TOP1: variants seen among roughly 807,000 people sequenced by gnomAD.
The protein encoded by TOP1 is DNA topoisomerase I.
TOP1 carries 10 observed loss-of-function variants against 111.1 expected under a neutral mutation model. That is an observed-to-expected ratio of 0.09 (90% CI 0.06 to 0.15). The LOEUF (loss-of-function observed/expected upper bound fraction) is 0.15. Ranked by LOEUF, TOP1 falls within the 10% of genes least tolerant of loss-of-function variation. The pLI is 1.00. For synonymous variants in TOP1, 271 were observed against 302.9 expected (o/e 0.89, Z 1.10); for missense variants, 474 against 926.7 (o/e 0.51, Z 6.34).
Position 41,115,358 on chromosome 20 carries a change from T to C in TOP1, c.1639-13T>C, listed in dbSNP as rs780052058. ...TTCAAGAGTAATAATTAGGATTCAC[T>C]TATATCTTTTAGGTTTTTAAGAACC... On this transcript the variant is annotated splice_polypyrimidine_tract_variant and intron_variant, in intron 15 of 20. Transcript: ENST00000361337. This position sits in a 1 kb window ranked among gnomAD's most constrained non-coding sequence, Gnocchi z 6.3. The C allele has an allele frequency of 1.3e-6, 2 of 1,592,140 alleles. No individual in the cohort carries two copies. Among genetic ancestry groups the C allele is most frequent in the Non-Finnish European group, 1.7e-6 (2 of 1,161,158 alleles).
intron 2 of TOP1, among the ~76,000 whole-genome samples, chr20:41,050,134 A>G (rs547389022): frequency 9.5e-4 from 144 of 152,330 alleles, no homozygotes; most frequent in Non-Finnish European, 1.6e-3. Flanking sequence ...CTCCTGCCTC[A>G]GCCTCCCAAG....
At chr20:41,108,829 G>T (rs1415702676) in intron 13 of TOP1, among the ~76,000 whole-genome samples, 1 of 152,156 alleles carries the variant, frequency 6.6e-6, no homozygotes, top group East Asian at 1.9e-4. Context: ...TTACAAAAAG[G>T]CTGCTTATGG....
intron 3 of TOP1, among the ~76,000 whole-genome samples, chr20:41,066,251 C>CT (rs923199980): frequency 2.7e-5 from 4 of 149,652 alleles, no homozygotes; most frequent in Admixed American, 2.7e-4. Flanking sequence ...AAAATCTTCT[C>CT]TTAAAAAAAA....
At chr20:41,043,050 A>T (rs2033287831) in intron 2 of TOP1, among the ~76,000 whole-genome samples, 1 of 152,226 alleles carries the variant, frequency 6.6e-6, no homozygotes, top group Non-Finnish European at 1.5e-5. Flanking sequence ...CATTTCAAAC[A>T]CATATTGTTC....
rs2034039093 is a variant in TOP1, at chr20:41,100,154, T to C, written c.1074T>C (p.Pro358=). Residue 358 remains proline, a synonymous_variant, in exon 12 of 21, where the codon CCT becomes CCC. Transcript: ENST00000361337. This position sits in a 1 kb window ranked among gnomAD's most constrained non-coding sequence, Gnocchi z 4.4. ...ERIANFKIEP[P]GLFRGRGNHP... Reference sequence around the variant, plus strand: ...TTGCTAACTTCAAGATAGAGCCTCCTGGACTTTTCCGTGGCCGCGGCAACC... The same window carrying C: ...TTGCTAACTTCAAGATAGAGCCTCCCGGACTTTTCCGTGGCCGCGGCAACC... The C allele has an allele frequency of 3.1e-6, 5 of 1,614,120 alleles. No homozygotes were observed. The highest frequency in any genetic ancestry group is 4.2e-6 in the Non-Finnish European group (5 of 1,179,960).
At chr20:41,043,621 A>G (rs1048759856) in intron 2 of TOP1, among the ~76,000 whole-genome samples, 1 of 152,240 alleles carries the variant, frequency 6.6e-6, no homozygotes, top group African/African-American at 2.4e-5. Flanking sequence ...AATAGGATAC[A>G]TGAAACAATG....
Position 41,071,752 on chromosome 20 carries a change from C to T in TOP1, c.156-4419C>T, listed in dbSNP as rs1288522399. On this transcript the variant is annotated intron_variant, in intron 3 of 20. Coordinates refer to ENST00000361337, the MANE Select transcript of TOP1 (RefSeq NM_003286.4). The surrounding 1 kb of genome is among the most constrained non-coding windows in gnomAD (Gnocchi z 4.3). ...TTCCATTTGTTCTCTTTAGCGCTGACTTTTGCTTTCTAGTCCCTGCTAGTG... is the reference window on the plus strand; with the variant it reads ...TTCCATTTGTTCTCTTTAGCGCTGATTTTTGCTTTCTAGTCCCTGCTAGTG... Among the ~76,000 whole-genome samples the T allele has an allele frequency of 1.3e-5, 2 of 152,192 alleles. No individual in the cohort carries two copies. Among genetic ancestry groups the T allele is most frequent in the Non-Finnish European group, 2.9e-5 (2 of 68,030 alleles).
Position 41,034,434 on chromosome 20 carries a change from A to G in TOP1, c.58+4979A>G, listed in dbSNP as rs569296220. Among the ~76,000 whole-genome samples the G allele has an allele frequency of 2.0e-5, 3 of 152,240 alleles. No individual in the cohort carries two copies. Among genetic ancestry groups the G allele is most frequent in the Non-Finnish European group, 2.9e-5 (2 of 68,018 alleles). Reference sequence around the variant, plus strand: ...CCCCCACCCTCCCTGCCACCTGCCTATCTAGATGTGGACAGTATGTGCTGT... The same window carrying G: ...CCCCCACCCTCCCTGCCACCTGCCTGTCTAGATGTGGACAGTATGTGCTGT... On this transcript the variant is annotated intron_variant, in intron 2 of 20. Transcript: ENST00000361337. The surrounding 1 kb of genome is among the most constrained non-coding windows in gnomAD (Gnocchi z 4.0).
rs1339064572 is a variant in TOP1 at position 41,069,326 on chromosome 20, G to C, written c.156-6845G>C. ...TACACATCACTATATCATCCTGTCT[G>C]TGGGAAATGGACAACTAACATGGGT... On this transcript the variant is annotated intron_variant, in intron 3 of 20. Coordinates refer to ENST00000361337, the MANE Select transcript of TOP1 (RefSeq NM_003286.4). The surrounding 1 kb of genome is among the most constrained non-coding windows in gnomAD (Gnocchi z 4.1). 6.6e-6 allele frequency among the ~76,000 whole-genome samples: 1 copy of C among 152,182 alleles called. No homozygotes were observed. The highest frequency in any genetic ancestry group is 1.5e-5 in the Non-Finnish European group (1 of 68,036).
At position 41,095,017 on chromosome 20, in the gene TOP1, A is replaced by G. The variant is rs575453203; in HGVS notation, c.731-2203A>G. Among the ~76,000 whole-genome samples the G allele has an allele frequency of 6.6e-6, 1 of 152,274 alleles. No individual in the cohort carries two copies. Among genetic ancestry groups the G allele is most frequent in the African/African-American group, 2.4e-5 (1 of 41,564 alleles). On this transcript the variant is annotated intron_variant, in intron 9 of 20. Coordinates refer to ENST00000361337, the MANE Select transcript of TOP1 (RefSeq NM_003286.4). The surrounding 1 kb of genome is among the most constrained non-coding windows in gnomAD (Gnocchi z 4.6). The stretch of plus-strand genomic sequence containing the variant: ...TCCCTCTATTAGGACAGAATTCAGT[A>G]AAACAGCCCAAAATCTCATTTTTTT...
In TOP1 at chr20:41,092,717, A is replaced by G. The variant is rs1425958012; in HGVS notation, c.730+130A>G. On this transcript the variant is annotated intron_variant, in intron 9 of 20. Coordinates refer to ENST00000361337, the MANE Select transcript of TOP1 (RefSeq NM_003286.4). This position sits in a 1 kb window ranked among gnomAD's most constrained non-coding sequence, Gnocchi z 4.3. ...TTTCATTTTGTTTTATTGCCATGCA[A>G]TTTTGAGGAAGGGGCATCAGGTGTT... 2 of 554,794 alleles carry G rather than the reference A, an allele frequency of 3.6e-6. No individual in the cohort carries two copies. Among genetic ancestry groups the G allele is most frequent in the Admixed American group, 3.5e-5 (1 of 28,406 alleles). 34.4% of individuals were successfully genotyped at this position (554,794 alleles called of 1,614,324 possible). A position where few individuals can be genotyped will look rare whatever the true frequency, so the allele number is the denominator to read the frequency against.
At chr20:41,108,986 C>G (rs938174681) in intron 13 of TOP1, among the ~76,000 whole-genome samples, 4 of 152,166 alleles carry the variant, frequency 2.6e-5, no homozygotes, top group Non-Finnish European at 5.9e-5. Flanking sequence ...ATTTTTCTTT[C>G]AAATGCAGTA....
intron 5 of TOP1, 38 bp downstream of exon 5, chr20:41,077,675 G>A: frequency 1.3e-6 from 2 of 1,592,208 alleles, no homozygotes; most frequent in Non-Finnish European, 1.7e-6. Flanking sequence ...CCTTTCTCTG[G>A]GTGGACAGCA....
chr20:41,123,328 G>C lies in TOP1; in HGVS notation c.*31G>C. On this transcript the variant is annotated 3_prime_UTR_variant, in exon 21 of 21. Transcript: ENST00000361337. The surrounding 1 kb of genome is among the most constrained non-coding windows in gnomAD (Gnocchi z 5.8). ...CTCAAGAGGCAGAGTTCTGTGAAGA[G>C]GAACAGTGTGGTTTGGGAAAGATGG... 1 of 1,517,508 alleles carries C rather than the reference G, an allele frequency of 6.6e-7. No homozygotes were observed. Among genetic ancestry groups the C allele is most frequent in the Non-Finnish European group, 9.1e-7 (1 of 1,093,082 alleles). 94.0% of individuals were successfully genotyped at this position (1,517,508 alleles called of 1,614,324 possible).
rs1004060851 is a variant in TOP1, at chr20:41,100,527, C to A, written c.1163+284C>A. 3 of 314,786 alleles carry A rather than the reference C, an allele frequency of 9.5e-6. No homozygotes were observed. Among genetic ancestry groups the A allele is most frequent in the African/African-American group, 6.3e-5 (3 of 47,684 alleles). The allele number at this position is 314,786 out of a possible 1,614,324, so 19.5% of individuals were successfully genotyped here. On this transcript the variant is annotated intron_variant, in intron 12 of 20. Transcript: ENST00000361337. This position sits in a 1 kb window ranked among gnomAD's most constrained non-coding sequence, Gnocchi z 4.4. ...TGTCTTCCACCCCCAAATTTAATGT[C>A]TTTTCCATGTTTATTAAGTACTTAT...
Position 41,082,676 on chromosome 20 carries a change from A to C in TOP1, c.507+1436A>C, listed in dbSNP as rs2033802110. On this transcript the variant is annotated intron_variant, in intron 7 of 20. Transcript: ENST00000361337. The surrounding 1 kb of genome is among the most constrained non-coding windows in gnomAD (Gnocchi z 4.1). ...TTAGAAGGTTGCCGTTTTTTTGACA[A>C]CTAGTCTATTCTTGGCCGAAGTTCA... Among the ~76,000 whole-genome samples, 1 of 152,206 alleles carries C rather than the reference A, an allele frequency of 6.6e-6. No homozygotes were observed. Among genetic ancestry groups the C allele is most frequent in the Admixed American group, 6.5e-5 (1 of 15,278 alleles).
At chr20:41,104,661 T>C (rs188895051) in intron 13 of TOP1, among the ~76,000 whole-genome samples, 1 of 152,344 alleles carries the variant, frequency 6.6e-6, no homozygotes. Flanking sequence ...AGTTAGACTC[T>C]GAACCTTATG....
At chr20:41,072,176 C>T in intron 3 of TOP1, 2 of 924,014 alleles carry the variant, frequency 2.2e-6, no homozygotes, top group Non-Finnish European at 2.6e-6. Context: ...TGTTTTTCAG[C>T]CTCTAACCTG....
intron 2 of TOP1, among the ~76,000 whole-genome samples, chr20:41,033,347 CAAAAAAAA>C (rs34731706): frequency 9.9e-6 from 1 of 100,890 alleles, no homozygotes; most frequent in South Asian, 3.4e-4. Flanking sequence ...CCAATAGCAG[CAAAAAAAA>C]AAAAAAAAAA....
Sources: allele counts gnomAD v4.1 joint callset (sites outside exome capture counted in the v4.1 genomes callset), GRCh38; gene constraint gnomAD v4.1.1; non-coding constraint Gnocchi (gnomAD v3.1); transcripts MANE v1.5; gene names NCBI Gene and HGNC (gene_info 2026-07-23, HGNC 2026-07-21).